Variants in PDLIM5 observed in about 807,000 individuals in gnomAD.
PDLIM5 encodes PDZ and LIM domain 5.
A neutral mutation model predicts 64.2 loss-of-function variants in PDLIM5; 34 were observed. The ratio of observed to expected loss-of-function variants is 0.53; its 90% CI spans 0.40 to 0.71. The LOEUF is 0.71. Ranked by LOEUF, PDLIM5 falls within the 30% of genes least tolerant of loss-of-function variation. The probability of loss-of-function intolerance (pLI) is 0.00; values close to 1 mark genes in which losing one functional copy is unlikely to be tolerated. For missense variants in PDLIM5, 683 were observed against 733.6 expected (o/e 0.93, Z 0.80); for synonymous variants, 253 against 269.1 (o/e 0.94, Z 0.59).
In PDLIM5 at chr4:94,548,297, A is replaced by G. The variant is rs1732500940; in HGVS notation, c.248+24422A>G. The stretch of plus-strand genomic sequence containing the variant: ...TACCACTCAAATGGATTGCCATCCA[A>G]CATTCATTCCAAACTCTAAGCCTTT... On this transcript the variant is annotated intron_variant, in intron 3 of 12. Coordinates refer to ENST00000317968, the MANE Select transcript of PDLIM5 (RefSeq NM_006457.5). Among the ~76,000 whole-genome samples the G allele has an allele frequency of 3.3e-5, 5 of 152,354 alleles. No homozygotes were observed. The Middle Eastern group carries it at 0.014, about 415-fold the overall frequency.
At position 94,626,090 on chromosome 4, in the gene PDLIM5, C is replaced by T. The variant is rs115454386; in HGVS notation, c.1108+7899C>T. Among the ~76,000 whole-genome samples the T allele has an allele frequency of 2.8e-3, 428 of 152,104 alleles. 4 individuals carry two copies. Among genetic ancestry groups the T allele is most frequent in the African/African-American group, 9.4e-3 (390 of 41,494 alleles). On this transcript the variant is annotated intron_variant, in intron 8 of 12. Coordinates refer to ENST00000317968, the MANE Select transcript of PDLIM5 (RefSeq NM_006457.5). ...ATAAATTTCTTTTGATCAAACGAAA[C>T]GGGAAAAAACACAAACTTGCTTTTC... is the stretch of plus-strand genomic sequence containing the variant.
chr4:94,571,344 G>C (rs559531149), intron 3 of PDLIM5, among the ~76,000 whole-genome samples: 2 of 152,306 alleles, frequency 1.3e-5, no homozygotes, highest in African/African-American at 4.8e-5. Context: ...ACTTCAAATA[G>C]ATTGTTCTAG....
At chr4:94,590,774 A>G (rs538917947) in intron 7 of PDLIM5, among the ~76,000 whole-genome samples, 9 of 152,300 alleles carry the variant, frequency 5.9e-5, no homozygotes, top group Admixed American at 3.3e-4. Flanking sequence ...TGTGCTAGAA[A>G]AACAGAACTC....
rs112606665 is a variant in PDLIM5 at position 94,461,502 on chromosome 4, C to T, written c.96+6118C>T. On this transcript the variant is annotated intron_variant, in intron 2 of 12. Transcript: ENST00000317968. ...AGAGAGGGAAAAATCACTTTTCTAG[C>T]GTACTTTGTTTTTATTAAGAGGTTT... is the stretch of plus-strand genomic sequence containing the variant. Among the ~76,000 whole-genome samples the T allele has an allele frequency of 5.5e-3, 826 of 149,298 alleles. 1 individual carries two copies. The highest frequency in any genetic ancestry group is 0.035 in the Middle Eastern group (10 of 286).
chr4:94,469,902 A>G (rs945328867), intron 2 of PDLIM5, among the ~76,000 whole-genome samples: 1 of 150,604 alleles, frequency 6.6e-6, no homozygotes, highest in Non-Finnish European at 1.5e-5. Context: ...TAACACATAC[A>G]TGATTTTTTT....
At chr4:94,600,310 C>T (rs1412463065) in intron 7 of PDLIM5, among the ~76,000 whole-genome samples, 2 of 152,182 alleles carry the variant, frequency 1.3e-5, no homozygotes, top group Admixed American at 1.3e-4. Flanking sequence ...GAATATTTGG[C>T]TAGTGAGTGT....
intron 7 of PDLIM5, chr4:94,610,086 C>G: frequency 1.3e-6 from 1 of 778,246 alleles, no homozygotes; most frequent in Non-Finnish European, 2.0e-6. Flanking sequence ...AATGGTTGCT[C>G]TCTTGTATTT....
intron 3 of PDLIM5, among the ~76,000 whole-genome samples, chr4:94,535,668 C>G (rs559332889): frequency 2.6e-5 from 4 of 152,030 alleles, no homozygotes; most frequent in Non-Finnish European, 4.4e-5. Flanking sequence ...AGACCCAGGT[C>G]CTAGTCATTA....
At chr4:94,462,613 A>G (rs1052803290) in intron 2 of PDLIM5, among the ~76,000 whole-genome samples, 7 of 152,070 alleles carry the variant, frequency 4.6e-5, no homozygotes, top group Non-Finnish European at 7.4e-5. Flanking sequence ...TTTTACTGAC[A>G]TTGAATTTAA....
chr4:94,593,024 C>T (rs1736789760), intron 7 of PDLIM5, among the ~76,000 whole-genome samples: 1 of 152,160 alleles, frequency 6.6e-6, no homozygotes, highest in South Asian at 2.1e-4. Flanking sequence ...ACATGCTACA[C>T]AATTTTTACC....
intron 5 of PDLIM5, chr4:94,579,455 C>A: frequency 5.3e-6 from 4 of 747,786 alleles, no homozygotes; most frequent in South Asian, 2.3e-5. Context: ...TTTGAAGAAC[C>A]TGGCCTTGGA....
At chr4:94,596,086 G>T (rs1220785771) in intron 7 of PDLIM5, among the ~76,000 whole-genome samples, 2 of 152,082 alleles carry the variant, frequency 1.3e-5, no homozygotes, top group African/African-American at 4.8e-5. Context: ...TGTAAAGGTC[G>T]CCATCTGTTG....
At chr4:94,585,934 G>A (rs1444777493) in intron 6 of PDLIM5, among the ~76,000 whole-genome samples, 197 bp downstream of exon 6, 1 of 152,150 alleles carries the variant, frequency 6.6e-6, no homozygotes, top group Non-Finnish European at 1.5e-5. Context: ...CGCTTTGGGA[G>A]GCCGAGGCAG....
intron 7 of PDLIM5, among the ~76,000 whole-genome samples, chr4:94,617,644 C>CA (rs61055444): frequency 0.22 from 14,980 of 66,802 alleles, 1,441 homozygotes; most frequent in African/African-American, 0.29. Context: ...CCTGTGTCTA[C>CA]AAAAAAAAAA....
At chr4:94,534,156 G>A (rs756389895) in intron 3 of PDLIM5, among the ~76,000 whole-genome samples, 14 of 152,124 alleles carry the variant, frequency 9.2e-5, no homozygotes, top group African/African-American at 1.2e-4. Flanking sequence ...TTAGAGGAAC[G>A]ATGCAAATGT....
chr4:94,632,073 A>C (rs1382994589), intron 8 of PDLIM5, among the ~76,000 whole-genome samples: 1 of 152,262 alleles, frequency 6.6e-6, no homozygotes, highest in African/African-American at 2.4e-5. Flanking sequence ...GCCGCATTAC[A>C]GGCTCTTAGC....
At chr4:94,464,813 T>C (rs1320223905) in intron 2 of PDLIM5, among the ~76,000 whole-genome samples, 1 of 152,248 alleles carries the variant, frequency 6.6e-6, no homozygotes, top group Non-Finnish European at 1.5e-5. Context: ...TTATTTGGTG[T>C]CCAGTTCTCT....
intron 5 of PDLIM5, among the ~76,000 whole-genome samples, chr4:94,581,052 G>C (rs768469348): frequency 3.3e-5 from 5 of 152,094 alleles, no homozygotes; most frequent in Non-Finnish European, 5.9e-5. Flanking sequence ...GAGGAAGTCT[G>C]AAAGACAGAG....
chr4:94,469,361 G>C, intron 2 of PDLIM5, among the ~76,000 whole-genome samples: 1 of 152,160 alleles, frequency 6.6e-6, no homozygotes, highest in East Asian at 1.9e-4. Flanking sequence ...AGTCAATACA[G>C]GCCCTCTGAG....
Sources: gnomAD v4.1 joint callset for allele counts (sites outside exome capture counted in the v4.1 genomes callset) on GRCh38, gnomAD v4.1.1 for gene constraint, MANE v1.5 for transcripts, NCBI Gene and HGNC (gene_info 2026-07-23, HGNC 2026-07-21) for gene names.